MED24: variants seen among roughly 807,000 people sequenced by gnomAD.
The protein encoded by MED24 is mediator complex subunit 24, also known as mediator of RNA polymerase II transcription subunit 24.
A neutral mutation model predicts 118.8 loss-of-function variants in MED24; 74 were observed. That is an observed-to-expected ratio of 0.62 (90% CI 0.52 to 0.76). MED24 has a LOEUF of 0.76. MED24 is among the 30% of genes least tolerant of loss of function. The probability of loss-of-function intolerance (pLI) is 0.00; values close to 1 mark genes in which losing one functional copy is unlikely to be tolerated. For synonymous variants in MED24, 521 were observed against 523.9 expected (o/e 0.99, Z 0.08); for missense variants, 1,041 against 1,278.9 (o/e 0.81, Z 2.84).
chr17:40,022,222 GC>G (rs980398453), intron 22 of MED24, among the ~76,000 whole-genome samples, 168 bp from the exon 23 acceptor site: 2 of 152,202 alleles, frequency 1.3e-5, no homozygotes, highest in African/African-American at 4.8e-5. Context: ...GTGCCCATGG[GC>G]AAGCTGGGGC....
chr17:40,053,687 G>A, intron 1 of MED24, 52 bp from the exon 2 acceptor site: 1 of 1,604,262 alleles, frequency 6.2e-7, no homozygotes. Flanking sequence ...GTTCTAAGGA[G>A]AACCGGGGAA....
At position 40,035,277 on chromosome 17, in the gene MED24, G is replaced by A. The variant is rs749271038; in HGVS notation, c.399C>T (p.Arg133=). 1.2e-6 allele frequency: 2 copies of A among 1,613,294 alleles called. No homozygotes were observed. The highest frequency in any genetic ancestry group is 1.7e-6 in the Non-Finnish European group (2 of 1,179,540). ...ALLSALHWLL[R]CTAASAERLR... ...GCCGCTCTGCAGAGGCTGCCGTGCA[G>A]CGCAGCAGCCAGTGGAGGGCGCTAA... The change falls in exon 6 of 26, where the codon CGC becomes CGT. Residue 133 remains arginine (R), a synonymous_variant. Coordinates refer to ENST00000394128, the MANE Select transcript of MED24 (RefSeq NM_014815.4).
At chr17:40,048,402 G>A (rs1005305813) in intron 3 of MED24, among the ~76,000 whole-genome samples, 2 of 152,248 alleles carry the variant, frequency 1.3e-5, no homozygotes, top group South Asian at 4.1e-4. Context: ...CATAACATGT[G>A]AGAATATGAT....
chr17:40,022,527 C>G (rs780050396), intron 21 of MED24, 43 bp from the exon 22 acceptor site: 13 of 1,594,750 alleles, frequency 8.2e-6, no homozygotes, highest in Admixed American at 1.8e-5. Flanking sequence ...GAGAGGTGCC[C>G]CAGGAGCTTT....
In MED24 at chr17:40,038,173, A is replaced by G. The variant is rs565428384; in HGVS notation, c.214-2019T>C. On this transcript the variant is annotated intron_variant, in intron 3 of 25. Transcript: ENST00000394128. ...AATTCTACCTGAACAGTAAGTTCCC[A>G]GAGGACAGAGATGGTATTGAATTTA... Among the ~76,000 whole-genome samples, 10 of 152,052 alleles carry G rather than the reference A, an allele frequency of 6.6e-5. No homozygotes were observed. The South Asian group carries it at 2.1e-3, about 32-fold the overall frequency.
At position 40,033,780 on chromosome 17, in the gene MED24, G is replaced by A; in HGVS notation, c.560-324C>T. The A allele has an allele frequency of 2.0e-6, 1 of 512,724 alleles. No homozygotes were observed. Among genetic ancestry groups the A allele is most frequent in the South Asian group, 1.5e-5 (1 of 65,046 alleles). The allele number at this position is 512,724 out of a possible 1,614,324, so 31.8% of individuals were successfully genotyped here. ...AGGCCAGAATCCAGTGGCTGGAACAGGGAGGGCGGCCACAAATCACTCGAG... is the reference window on the plus strand; with the variant it reads ...AGGCCAGAATCCAGTGGCTGGAACAAGGAGGGCGGCCACAAATCACTCGAG... On this transcript the variant is annotated intron_variant, in intron 6 of 25. Coordinates refer to ENST00000394128, the MANE Select transcript of MED24 (RefSeq NM_014815.4). This position sits in a 1 kb window ranked among gnomAD's most constrained non-coding sequence, Gnocchi z 5.2.
intron 24 of MED24, 159 bp downstream of exon 24, chr17:40,020,114 A>G: frequency 2.0e-6 from 2 of 989,198 alleles, no homozygotes; most frequent in Non-Finnish European, 3.0e-6. Context: ...GGAACTAGAC[A>G]GGAGCCTGGG....
intron 16 of MED24, 102 bp from the exon 17 acceptor site, chr17:40,027,136 C>T: frequency 7.0e-7 from 1 of 1,431,000 alleles, no homozygotes; most frequent in Admixed American, 2.3e-5. Flanking sequence ...GCTGCTCCAG[C>T]CCAGCCCAAA....
chr17:40,034,257 A>G (rs986930071), intron 6 of MED24, among the ~76,000 whole-genome samples: 5 of 152,212 alleles, frequency 3.3e-5, no homozygotes, highest in African/African-American at 1.2e-4. Context: ...ACATTTATCA[A>G]GGGCCCAAGG....
rs112639732 is a variant in MED24 at position 40,028,574 on chromosome 17, A to G, written c.1409+252T>C. ...GCATACTTGGAATTCCTCCATGCCC[A>G]ATGTTCAACACCTCAACCCTTACCC... On this transcript the variant is annotated intron_variant, in intron 14 of 25. Transcript: ENST00000394128. 6.3e-3 allele frequency among the ~76,000 whole-genome samples: 956 copies of G among 152,324 alleles called. 15 individuals carry two copies. Among genetic ancestry groups the G allele is most frequent in the African/African-American group, 0.022 (915 of 41,570 alleles).
chr17:40,023,637 C>T (rs1172612889), intron 19 of MED24: 4 of 461,720 alleles, frequency 8.7e-6, no homozygotes, highest in Non-Finnish European at 1.5e-5. Flanking sequence ...AGGGACTTTC[C>T]TCCCCCTGGC....
chr17:40,043,659 C>T (rs1187753904), intron 3 of MED24, among the ~76,000 whole-genome samples: 4 of 151,854 alleles, frequency 2.6e-5, no homozygotes, highest in South Asian at 2.1e-4. Context: ...GAGGCCGAGG[C>T]GGGCGGATCA....
At chr17:40,025,140 G>A (rs1309547966) in intron 19 of MED24, among the ~76,000 whole-genome samples, 3 of 152,164 alleles carry the variant, frequency 2.0e-5, no homozygotes, top group Non-Finnish European at 4.4e-5. Context: ...AGTGAGTCAC[G>A]AAAAGGCAAG....
At chr17:40,035,443 T>C (rs1368450519) in intron 5 of MED24, 94 bp from the exon 6 acceptor site, 3 of 1,292,510 alleles carry the variant, frequency 2.3e-6, no homozygotes, top group Non-Finnish European at 3.2e-6. Context: ...ACTCCCCTAC[T>C]AGGGACTAGG....
intron 21 of MED24, 27 bp downstream of exon 21, chr17:40,022,618 C>G (rs1352624020): frequency 6.2e-7 from 1 of 1,611,602 alleles, no homozygotes; most frequent in South Asian, 1.1e-5. Context: ...GTGGCCGGAG[C>G]AGGGCAAGCT....
At chr17:40,041,542 C>A (rs546856474) in intron 3 of MED24, among the ~76,000 whole-genome samples, 1 of 152,238 alleles carries the variant, frequency 6.6e-6, no homozygotes, top group African/African-American at 2.4e-5. Context: ...CACGTATGTT[C>A]AACTGCCTAC....
In MED24 at chr17:40,029,841, G is replaced by C; in HGVS notation, c.1173C>G (p.His391Gln). ...LMAKRKADREHAPQQKSGENA... is the reference protein window; with the variant it reads ...LMAKRKADREQAPQQKSGENA... ...TCTCTCCCGATTTCTGCTGGGGTGC[G>C]TGCTCTCGGTCCGCTTTGCTGTGGA... The change falls in exon 13 of 26, where the codon CAC (histidine) becomes CAG (glutamine). Residue 391 changes from histidine to glutamine, a missense_variant. Transcript: ENST00000394128. 1 of 1,614,100 alleles carries C rather than the reference G, an allele frequency of 6.2e-7. No homozygotes were observed. Among genetic ancestry groups the C allele is most frequent in the Non-Finnish European group, 8.5e-7 (1 of 1,179,978 alleles).
At chr17:40,051,136 CA>C (rs1224890104) in intron 3 of MED24, among the ~76,000 whole-genome samples, 25,363 of 81,432 alleles carry the variant, frequency 0.31, 3,127 homozygotes, top group African/African-American at 0.52. Context: ...GACTCTGTCT[CA>C]AAAAAAAAAA....
chr17:40,043,426 G>A (rs1355070073), intron 3 of MED24, among the ~76,000 whole-genome samples: 2 of 152,166 alleles, frequency 1.3e-5, no homozygotes, highest in Non-Finnish European at 2.9e-5. Context: ...ATAGGGTTTT[G>A]CTAGGCGGAA....
Sources: gnomAD v4.1 joint callset for allele counts (sites outside exome capture counted in the v4.1 genomes callset) on GRCh38, gnomAD v4.1.1 for gene constraint, Gnocchi (gnomAD v3.1) non-coding constraint, MANE v1.5 for transcripts, NCBI Gene and HGNC (gene_info 2026-07-23, HGNC 2026-07-21) for gene names.